SCAF11: variants seen among roughly 807,000 people sequenced by gnomAD.
SCAF11 encodes the protein SR-related CTD associated factor 11.
Under a neutral mutation model 140.5 loss-of-function variants are expected in SCAF11, and 47 were observed. That is an observed-to-expected ratio of 0.33 (90% confidence interval 0.26 to 0.43). The LOEUF is 0.43. Among genes scored for constraint, SCAF11 ranks in the 20% least tolerant of loss-of-function variants. The pLI is 1.00. For missense variants in SCAF11, 1,645 were observed against 1,705.1 expected (o/e 0.96, Z 0.62); for synonymous variants, 557 against 579.4 (o/e 0.96, Z 0.55).
At chr12:45,976,243 C>G (rs1316564580) in intron 1 of SCAF11, among the ~76,000 whole-genome samples, 1 of 152,232 alleles carries the variant, frequency 6.6e-6, no homozygotes, top group African/African-American at 2.4e-5. Context: ...ATGTATAATT[C>G]TTAGAGCTAC....
Position 45,927,374 on chromosome 12 carries a change from C to G in SCAF11, c.2327G>C (p.Ser776Thr). 6.2e-7 allele frequency: 1 copy of G among 1,614,026 alleles called. No individual in the cohort carries two copies. Among genetic ancestry groups the G allele is most frequent in the Non-Finnish European group, 8.5e-7 (1 of 1,179,984 alleles). ...KVETVSQPSE[S>T]PKDTIDKTKK... ...GGTTTTATCTATGGTATCTTTTGGG[C>G]TTTCAGATGGTTGAGAAACAGTTTC... Residue 776 changes from serine to threonine, a missense_variant, in exon 11 of 15, where the codon AGC (serine) becomes ACC (threonine). Coordinates refer to ENST00000369367, the MANE Select transcript of SCAF11 (RefSeq NM_004719.3).
intron 1 of SCAF11, among the ~76,000 whole-genome samples, chr12:45,967,680 A>G (rs1592212525): frequency 6.6e-6 from 1 of 152,230 alleles, no homozygotes; most frequent in African/African-American, 2.4e-5. Flanking sequence ...CTGTTTAAGC[A>G]TTCCAAAGTT....
At chr12:45,973,873 G>C (rs1329576304) in intron 1 of SCAF11, among the ~76,000 whole-genome samples, 1 of 152,126 alleles carries the variant, frequency 6.6e-6, no homozygotes, top group African/African-American at 2.4e-5. Flanking sequence ...AACAATGTTA[G>C]GAATGATGGA....
At chr12:45,950,476 T>G (rs1443769842) in intron 4 of SCAF11, among the ~76,000 whole-genome samples, 1 of 152,164 alleles carries the variant, frequency 6.6e-6, no homozygotes, top group East Asian at 1.9e-4. Flanking sequence ...GAAAACATAA[T>G]TTCACAGAAA....
At chr12:45,939,353 A>AC (rs1047764416) in intron 6 of SCAF11, among the ~76,000 whole-genome samples, 23 of 152,244 alleles carry the variant, frequency 1.5e-4, no homozygotes, top group African/African-American at 5.3e-4. Context: ...AAAGTCACAC[A>AC]CCTATGTTTA....
At chr12:45,942,764 G>A (rs973144504) in intron 6 of SCAF11, among the ~76,000 whole-genome samples, 12 of 152,096 alleles carry the variant, frequency 7.9e-5, no homozygotes, top group African/African-American at 2.4e-4. Flanking sequence ...TTAAATAAAC[G>A]GTCATCTCCA....
At chr12:45,940,840 G>A (rs1592182849) in intron 6 of SCAF11, among the ~76,000 whole-genome samples, 1 of 151,886 alleles carries the variant, frequency 6.6e-6, no homozygotes, top group Admixed American at 6.6e-5. Flanking sequence ...TCTTACTCTG[G>A]CGCCCACGCT....
At chr12:45,952,154 G>T (rs1592195323) in intron 3 of SCAF11, among the ~76,000 whole-genome samples, 1 of 152,012 alleles carries the variant, frequency 6.6e-6, no homozygotes, top group South Asian at 2.1e-4. Flanking sequence ...ATAGGCAGTT[G>T]TGCCAGCAAT....
chr12:45,988,822 T>C (rs1470596634), intron 1 of SCAF11, among the ~76,000 whole-genome samples: 1 of 152,164 alleles, frequency 6.6e-6, no homozygotes, highest in Non-Finnish European at 1.5e-5. Flanking sequence ...TGAATGACTG[T>C]TAAAATATCT....
chr12:45,987,190 GATCA>G (rs1400244445), intron 1 of SCAF11, among the ~76,000 whole-genome samples: 1 of 152,146 alleles, frequency 6.6e-6, no homozygotes, highest in Admixed American at 6.5e-5. Flanking sequence ...TGAGAGCTGT[GATCA>G]CACCACTGCG....
rs528743644 is a variant in SCAF11, at chr12:45,926,336, G to A, written c.3365C>T (p.Ser1122Phe). The change falls in exon 11 of 15, where the codon TCC becomes TTC. Residue 1122 changes from serine (S) to phenylalanine (F), a missense_variant. Ser to Phe is a radical substitution (Grantham distance 155). Transcript: ENST00000369367. Reference sequence around the variant, plus strand: ...CTCCTGTTCACTTTTTCGCTTATAGGATTGCTGTTCCACAAACTTGAAAGA... The same window carrying A: ...CTCCTGTTCACTTTTTCGCTTATAGAATTGCTGTTCCACAAACTTGAAAGA... ...SESFKFVEQQSYKRKSEQEFS... is the reference protein window; with the variant it reads ...SESFKFVEQQFYKRKSEQEFS... 6.2e-7 allele frequency: 1 copy of A among 1,614,120 alleles called. No homozygotes were observed. The highest frequency in any genetic ancestry group is 8.5e-7 in the Non-Finnish European group (1 of 1,180,012).
chr12:45,979,002 A>T (rs1010590324), intron 1 of SCAF11, among the ~76,000 whole-genome samples: 1 of 151,900 alleles, frequency 6.6e-6, no homozygotes. Flanking sequence ...AGGCATCAGC[A>T]GGTTCAGTGC....
chr12:45,974,237 T>C, intron 1 of SCAF11: 1 of 470,750 alleles, frequency 2.1e-6, no homozygotes, highest in South Asian at 1.5e-5. Context: ...CTTCAGCAAG[T>C]CATAATCTTT....
In SCAF11 at chr12:45,926,635, A is replaced by G. The variant is rs1944868324; in HGVS notation, c.3066T>C (p.Asn1022=). Residue 1022 remains asparagine (N), a synonymous_variant, in exon 11 of 15, where the codon AAT becomes AAC. Coordinates refer to ENST00000369367, the MANE Select transcript of SCAF11 (RefSeq NM_004719.3). ...SADKHRNDCP[N]WITEKINSGP... The stretch of plus-strand genomic sequence containing the variant: ...CAGAGTTTATTTTTTCTGTTATCCA[A>G]TTGGGACAGTCATTTCTATGTTTGT... 1 of 1,613,772 alleles carries G rather than the reference A, an allele frequency of 6.2e-7. No individual in the cohort carries two copies. Among genetic ancestry groups the G allele is most frequent in the Non-Finnish European group, 8.5e-7 (1 of 1,180,020 alleles).
At chr12:45,989,318 T>A (rs1016740356) in intron 1 of SCAF11, among the ~76,000 whole-genome samples, 2 of 152,158 alleles carry the variant, frequency 1.3e-5, no homozygotes, top group Non-Finnish European at 2.9e-5. Context: ...GAGAAAAAAA[T>A]TTAACATCAG....
At chr12:45,991,805 CCTT>C (rs2136687727), upstream of SCAF11, 4 of 1,068,314 alleles carry the variant, frequency 3.7e-6, no homozygotes, top group Admixed American at 1.8e-4. Context: ...TACCAGCTGA[CCTT>C]CCAGTCCTCC....
Position 45,945,225 on chromosome 12 carries a change from A to C in SCAF11, c.463+24T>G, listed in dbSNP as rs370633652. On this transcript the variant is annotated intron_variant, in intron 6 of 14. Transcript: ENST00000369367. ...AAAAAACAACAAAAAAAAAGGTAGA[A>C]TCCACAAGCAAAAAGTAACTTACTA... 8 of 1,438,498 alleles carry C rather than the reference A, an allele frequency of 5.6e-6. No homozygotes were observed. The African/African-American group carries it at 1.0e-4, about 18-fold the overall frequency. The allele number at this position is 1,438,498 out of a possible 1,614,324, so 89.1% of individuals were successfully genotyped here. A position where few individuals can be genotyped will look rare whatever the true frequency, so the allele number is the denominator to read the frequency against.
chr12:45,972,987 G>GATATATATATAGATATATAGAT (rs1183684875), intron 1 of SCAF11, among the ~76,000 whole-genome samples: 1 of 132,806 alleles, frequency 7.5e-6, no homozygotes, highest in African/African-American at 3.2e-5. Context: ...TAGATATATA[G>GATATATATATAGATATATAGAT]ATATAGATAT....
At chr12:45,948,651 G>T (rs1393394142) in intron 4 of SCAF11, 114 bp from the exon 5 acceptor site, 1 of 668,150 alleles carries the variant, frequency 1.5e-6, no homozygotes, top group Non-Finnish European at 2.5e-6. Flanking sequence ...ATTAAAAAGT[G>T]TAGTCCAAAT....
Sources: gnomAD v4.1 joint callset for allele counts (sites outside exome capture counted in the v4.1 genomes callset) on GRCh38, gnomAD v4.1.1 for gene constraint, MANE v1.5 for transcripts, NCBI Gene and HGNC (gene_info 2026-07-23, HGNC 2026-07-21) for gene names.